KIAA1549: variants seen among roughly 807,000 people sequenced by gnomAD.
KIAA1549 encodes UPF0606 protein KIAA1549.
A neutral mutation model predicts 156.4 loss-of-function variants in KIAA1549; 70 were observed. The observed-to-expected ratio is 0.45, with a 90% CI of 0.37 to 0.55. The LOEUF (loss-of-function observed/expected upper bound fraction) is 0.55. Among genes scored for constraint, KIAA1549 ranks in the 20% least tolerant of loss-of-function variants. The pLI, the probability that KIAA1549 is intolerant of heterozygous loss-of-function variation, is 0.00. For missense variants in KIAA1549, 2,428 were observed against 2,540.9 expected (o/e 0.96, Z 0.96); for synonymous variants, 1,103 against 1,066.4 (o/e 1.03, Z -0.67).
chr7:138,880,660 A>G (rs1811215294), intron 11 of KIAA1549, among the ~76,000 whole-genome samples: 1 of 152,206 alleles, frequency 6.6e-6, no homozygotes, highest in Non-Finnish European at 1.5e-5. Flanking sequence ...TGACGGTGCG[A>G]TGATGGAAAG....
intron 10 of KIAA1549, among the ~76,000 whole-genome samples, chr7:138,890,119 A>T (rs958436449): frequency 1.3e-5 from 2 of 152,226 alleles, no homozygotes; most frequent in African/African-American, 4.8e-5. Flanking sequence ...TCACAGAGGG[A>T]ACAGGCCACA....
intron 1 of KIAA1549, among the ~76,000 whole-genome samples, chr7:138,931,143 G>A (rs566354012): frequency 1.4e-4 from 21 of 152,234 alleles, no homozygotes; most frequent in Non-Finnish European, 2.1e-4. Context: ...CAGAGTTTGC[G>A]GCACCCCAGG....
chr7:138,840,008 T>C, intron 19 of KIAA1549, 125 bp downstream of exon 19: 1 of 774,170 alleles, frequency 1.3e-6, no homozygotes, highest in Non-Finnish European at 2.0e-6. Flanking sequence ...GCCAGGCTGG[T>C]CTCAAACTCC....
intron 12 of KIAA1549, among the ~76,000 whole-genome samples, chr7:138,878,916 T>C (rs1452870324): frequency 6.6e-6 from 1 of 152,128 alleles, no homozygotes; most frequent in Non-Finnish European, 1.5e-5. Context: ...CAAGCTACCT[T>C]GCTATCACTC....
chr7:138,912,588 G>A, intron 2 of KIAA1549, 128 bp from the exon 3 acceptor site: 1 of 728,698 alleles, frequency 1.4e-6, no homozygotes, highest in Non-Finnish European at 2.4e-6. Flanking sequence ...GTAAAATAAA[G>A]GCCAGACCAA....
intron 9 of KIAA1549, among the ~76,000 whole-genome samples, chr7:138,897,855 T>C (rs1175276894): frequency 8.5e-6 from 1 of 117,812 alleles, no homozygotes; most frequent in African/African-American, 3.4e-5. Context: ...ATCAAGCCAC[T>C]GCACTCCAGC....
intron 15 of KIAA1549, among the ~76,000 whole-genome samples, chr7:138,864,662 G>A (rs1005878364): frequency 6.6e-6 from 1 of 152,178 alleles, no homozygotes; most frequent in Admixed American, 6.5e-5. Flanking sequence ...CTTTGTGGGT[G>A]TTGCAAGAGG....
chr7:138,877,355 G>T (rs1167076891), intron 12 of KIAA1549, among the ~76,000 whole-genome samples: 1 of 152,110 alleles, frequency 6.6e-6, no homozygotes, highest in African/African-American at 2.4e-5. Context: ...TTGGCCAGGT[G>T]TGGTGGTATA....
chr7:138,902,578 C>T (rs965582683), intron 8 of KIAA1549, among the ~76,000 whole-genome samples: 1 of 152,124 alleles, frequency 6.6e-6, no homozygotes, highest in African/African-American at 2.4e-5. Context: ...AAATGGGTCG[C>T]ATTTCAATTC....
At chr7:138,953,964 G>T (rs1445891378) in intron 1 of KIAA1549, among the ~76,000 whole-genome samples, 1 of 152,126 alleles carries the variant, frequency 6.6e-6, no homozygotes, top group Admixed American at 6.5e-5. Flanking sequence ...AAAATAAATG[G>T]TGCATCACAC....
At chr7:138,967,801 A>C (rs1403858033) in intron 1 of KIAA1549, among the ~76,000 whole-genome samples, 1 of 152,202 alleles carries the variant, frequency 6.6e-6, no homozygotes, top group Non-Finnish European at 1.5e-5. Context: ...AGCCAAGGGC[A>C]ACAATCCTGA....
rs975584836 is a variant in KIAA1549, at chr7:138,837,379, A to T, written c.*527T>A. 7.4e-5 allele frequency: 17 copies of T among 229,768 alleles called. No homozygotes were observed. Among genetic ancestry groups the T allele is most frequent in the Non-Finnish European group, 1.1e-4 (13 of 116,236 alleles). 14.2% of individuals were successfully genotyped at this position (229,768 alleles called of 1,614,324 possible). A position where few individuals can be genotyped will look rare whatever the true frequency, so the allele number is the denominator to read the frequency against. ...TGGTTTCTCACTAGTAGCTTTTTAAAATTCCCAAACAGTCTTAGTATTCTT... is the reference window on the plus strand; with the variant it reads ...TGGTTTCTCACTAGTAGCTTTTTAATATTCCCAAACAGTCTTAGTATTCTT... On this transcript the variant is annotated 3_prime_UTR_variant, in exon 20 of 20. Transcript: ENST00000422774.
At chr7:138,900,111 C>CACACGTATGGGTTTTAT (rs1424272999) in intron 8 of KIAA1549, among the ~76,000 whole-genome samples, 4 of 152,186 alleles carry the variant, frequency 2.6e-5, no homozygotes, top group African/African-American at 9.7e-5. Context: ...CTTCTCTGTC[C>CACACGTATGGGTTTTAT]ACACGTATGG....
rs370498848 is a variant in KIAA1549, at chr7:138,917,024, G to C, written c.2602C>G (p.Pro868Ala). 1.2e-6 allele frequency: 2 copies of C among 1,604,524 alleles called. No individual in the cohort carries two copies. The highest frequency in any genetic ancestry group is 1.3e-5 in the African/African-American group (1 of 74,780). The part of the protein sequence containing the change: ...PLPTELTVVG[P>A]SLTPTEVPLN... The stretch of plus-strand genomic sequence containing the variant: ...GGCACCTCTGTGGGTGTGAGTGATG[G>C]GCCCACGACGGTCAGCTCTGTGGGC... The change falls in exon 2 of 20, where the codon CCA (proline) becomes GCA (alanine). Residue 868 changes from proline (P) to alanine (A), a missense_variant. Pro to Ala is a conservative substitution (Grantham distance 27, BLOSUM62 -1). Coordinates refer to ENST00000422774, the MANE Select transcript of KIAA1549 (RefSeq NM_001164665.2).
intron 17 of KIAA1549, among the ~76,000 whole-genome samples, chr7:138,848,105 G>T (rs1810132440): frequency 6.6e-6 from 1 of 152,170 alleles, no homozygotes; most frequent in Admixed American, 6.5e-5. Context: ...CAATTTGTGT[G>T]TTGACATTTT....
Position 138,876,949 on chromosome 7 carries a change from G to T in KIAA1549, c.4345+2589C>A, listed in dbSNP as rs112212625. Among the ~76,000 whole-genome samples the T allele has an allele frequency of 8.9e-3, 1,352 of 152,244 alleles. 22 individuals carry two copies. Among genetic ancestry groups the T allele is most frequent in the African/African-American group, 0.03 (1,266 of 41,530 alleles). On this transcript the variant is annotated intron_variant, in intron 12 of 19. Transcript: ENST00000422774. Reference sequence around the variant, plus strand: ...AATTTACCAAAACTGAAACAACAGTGTTCTCTCAGCTTCCATTGCAAGGTG... The same window carrying T: ...AATTTACCAAAACTGAAACAACAGTTTTCTCTCAGCTTCCATTGCAAGGTG...
intron 12 of KIAA1549, among the ~76,000 whole-genome samples, chr7:138,879,265 T>C (rs1419676987): frequency 6.6e-6 from 1 of 152,196 alleles, no homozygotes; most frequent in Non-Finnish European, 1.5e-5. Flanking sequence ...GCTTCCTCCT[T>C]GACCTCTGGG....
intron 1 of KIAA1549, among the ~76,000 whole-genome samples, chr7:138,979,960 G>A (rs77797184): frequency 1.3e-5 from 2 of 152,286 alleles, no homozygotes; most frequent in South Asian, 2.1e-4. Context: ...CATGATCCCT[G>A]AAGTCCTCCC....
chr7:138,969,508 C>A (rs1814151203), intron 1 of KIAA1549, among the ~76,000 whole-genome samples: 1 of 152,166 alleles, frequency 6.6e-6, no homozygotes. Context: ...ATGGCTAGAC[C>A]ACATTTGCAA....
Sources: gnomAD v4.1 joint callset for allele counts (sites outside exome capture counted in the v4.1 genomes callset) on GRCh38, gnomAD v4.1.1 for gene constraint, MANE v1.5 for transcripts, NCBI Gene and HGNC (gene_info 2026-07-23, HGNC 2026-07-21) for gene names.